Variants in ITGAD observed in about 807,000 individuals in gnomAD.
The protein encoded by ITGAD is integrin subunit alpha D.
In ITGAD, 105 loss-of-function variants were observed where a neutral mutation model predicts 139.0. The ratio of observed to expected loss-of-function variants is 0.76; its 90% CI spans 0.65 to 0.89. The LOEUF (loss-of-function observed/expected upper bound fraction) is 0.89. Ranked by LOEUF, ITGAD falls within the 40% of genes least tolerant of loss-of-function variation. The probability of loss-of-function intolerance (pLI) is 0.00; values close to 1 mark genes in which losing one functional copy is unlikely to be tolerated. For synonymous variants in ITGAD, 569 were observed against 598.3 expected (o/e 0.95, Z 0.71); for missense variants, 1,384 against 1,487.3 (o/e 0.93, Z 1.14).
At chr16:31,411,005 G>A in intron 12 of ITGAD, 71 bp from the exon 13 acceptor site, 1 of 1,602,752 alleles carries the variant, frequency 6.2e-7, no homozygotes, top group South Asian at 1.1e-5. Flanking sequence ...TACCTGGGGA[G>A]AGGCGGGACC....
intron 16 of ITGAD, 88 bp from the exon 17 acceptor site, chr16:31,414,363 C>A: frequency 6.9e-7 from 1 of 1,440,016 alleles, no homozygotes. Flanking sequence ...CAGTGTCCAG[C>A]AAACATGTAT....
Position 31,414,889 on chromosome 16 carries a change from C to G in ITGAD, c.2181C>G (p.Ile727Met). 3 of 1,614,102 alleles carry G rather than the reference C, an allele frequency of 1.9e-6. No homozygotes were observed. The highest frequency in any genetic ancestry group is 2.2e-5 in the East Asian group (1 of 44,884). The change falls in exon 18 of 30, where the codon ATC (isoleucine) becomes ATG (methionine). Residue 727 changes from isoleucine (I) to methionine (M), a missense_variant. Transcript: ENST00000389202. ...PDCVEDVVSP[I>M]ILHLNFSLVR... ...GTGTGGAGGATGTGGTGAGCCCCAT[C>G]ATTCTGCACCTCAACTTCTCACTGG...
intron 14 of ITGAD, 80 bp downstream of exon 14, chr16:31,411,597 T>C: frequency 7.5e-7 from 1 of 1,339,270 alleles, no homozygotes; most frequent in Non-Finnish European, 1.1e-6. Flanking sequence ...CCTGTCTCTG[T>C]CACCATTCCC....
rs1346203852 is a variant in ITGAD at position 31,403,029 on chromosome 16, T to C, written c.559-471T>C. Among the ~76,000 whole-genome samples the C allele has an allele frequency of 6.6e-6, 1 of 152,234 alleles. No homozygotes were observed. Among genetic ancestry groups the C allele is most frequent in the Non-Finnish European group, 1.5e-5 (1 of 68,038 alleles). On this transcript the variant is annotated intron_variant, in intron 6 of 29. Transcript: ENST00000389202. The surrounding 1 kb of genome is among the most constrained non-coding windows in gnomAD (Gnocchi z 4.4). ...TTTTTAATAAACTGTGAAGGAAATA[T>C]CATTTGGTTTAGATTTTCCAGTTTA...
chr16:31,402,111 A>C lies in ITGAD; in HGVS notation c.428-4A>C, dbSNP rs1361404866. The C allele has an allele frequency of 6.8e-6, 11 of 1,613,394 alleles. No individual in the cohort carries two copies. Among genetic ancestry groups the C allele is most frequent in the Non-Finnish European group, 9.3e-6 (11 of 1,179,478 alleles). ...ATCTCCGATTCCTCCCCATTCCCCC[A>C]CAGAGTGTCCACATCAAGAGATGGA... On this transcript the variant is annotated splice_region_variant and splice_polypyrimidine_tract_variant and intron_variant, in intron 5 of 29. Coordinates refer to ENST00000389202, the MANE Select transcript of ITGAD (RefSeq NM_005353.3).
At chr16:31,393,513 A>T in intron 1 of ITGAD, 122 bp downstream of exon 1, 1 of 1,044,138 alleles carries the variant, frequency 9.6e-7, no homozygotes, top group African/African-American at 1.6e-5. Context: ...GAGGCAGGGG[A>T]GTGCTTCATG....
intron 10 of ITGAD, among the ~76,000 whole-genome samples, chr16:31,409,947 ACT>A (rs1281199297): frequency 1.4e-5 from 2 of 147,672 alleles, no homozygotes; most frequent in East Asian, 3.9e-4. Context: ...GATGAAGTTG[ACT>A]CTTCCAGGGA....
chr16:31,424,022 C>T, intron 27 of ITGAD, 64 bp downstream of exon 27: 1 of 1,606,160 alleles, frequency 6.2e-7, no homozygotes, highest in Non-Finnish European at 8.5e-7. Context: ...TGTCTGTGCC[C>T]ATCTGCAAGC....
intron 18 of ITGAD, 34 bp downstream of exon 18, chr16:31,415,025 G>A (rs1390407703): frequency 3.7e-6 from 6 of 1,611,856 alleles, no homozygotes; most frequent in Non-Finnish European, 5.1e-6. Context: ...GGGATGTGCT[G>A]ACTTCATTTT....
chr16:31,424,596 T>TA lies in ITGAD; in HGVS notation c.3372+19_3372+20insA. 3 of 1,290,340 alleles carry TA rather than the reference T, an allele frequency of 2.3e-6. No individual in the cohort carries two copies. The highest frequency in any genetic ancestry group is 3.3e-6 in the Non-Finnish European group (3 of 922,934). 79.9% of individuals were successfully genotyped at this position (1,290,340 alleles called of 1,614,324 possible). A position where few individuals can be genotyped will look rare whatever the true frequency, so the allele number is the denominator to read the frequency against. ...GTACAAGGCAAGTGTTTTATCCAAC[T>TA]CTTTTTTTTTTTTTTTTGAGATGGA... On this transcript the variant is annotated intron_variant, in intron 29 of 29. Coordinates refer to ENST00000389202, the MANE Select transcript of ITGAD (RefSeq NM_005353.3).
rs1390332188 is a variant in ITGAD at position 31,423,577 on chromosome 16, C to T, written c.2974C>T (p.Pro992Ser). ...VVMEAPSQSL[P>S]CVSERKPPQH... ...TGCTTCTTTCTCTTCCCAGAGTCTC[C>T]CCTGTGTTTCAGAGAGAAAACCTCC... Residue 992 changes from proline (P) to serine (S), a missense_variant, in exon 26 of 30, where the codon CCC (proline) becomes TCC (serine). Pro to Ser is a moderately conservative substitution (Grantham distance 74). Transcript: ENST00000389202. 6.2e-7 allele frequency: 1 copy of T among 1,613,928 alleles called. No homozygotes were observed. The highest frequency in any genetic ancestry group is 2.2e-5 in the East Asian group (1 of 44,894).
Position 31,397,462 on chromosome 16 carries a change from A to G in ITGAD, c.241A>G (p.Ile81Val), listed in dbSNP as rs894231647. The part of the protein sequence containing the change: ...TGMCQPIPLH[I>V]RPEAVNMSLG... ...CATGTGCCAGCCCATCCCGCTGCAC[A>G]GTGAGTGACCACCTGGGAATTGGGC... The change falls in exon 3 of 30, where the codon ATC becomes GTC. Residue 81 changes from isoleucine to valine, a missense_variant and splice_region_variant. Physicochemically the swap from Ile to Val is conservative, Grantham distance 29. Transcript: ENST00000389202. 3 of 1,591,908 alleles carry G rather than the reference A, an allele frequency of 1.9e-6. No homozygotes were observed. Among genetic ancestry groups the G allele is most frequent in the Non-Finnish European group, 2.6e-6 (3 of 1,168,644 alleles).
rs1478012667 is a variant in ITGAD, at chr16:31,410,473, A to G, written c.1162A>G (p.Thr388Ala). 4 of 1,613,502 alleles carry G rather than the reference A, an allele frequency of 2.5e-6. No individual in the cohort carries two copies. The highest frequency in any genetic ancestry group is 1.3e-5 in the African/African-American group (1 of 74,680). Residue 388 changes from threonine to alanine, a missense_variant, in exon 11 of 30, where the codon ACC becomes GCC. Transcript: ENST00000389202. Reference sequence around the variant, plus strand: ...CCTGTATCCCCCAAATATGAGCCCCACCTTCATCAACATGTCTCAGGAGAA... The same window carrying G: ...CCTGTATCCCCCAAATATGAGCCCCGCCTTCATCAACATGTCTCAGGAGAA... ...AFLYPPNMSP[T>A]FINMSQENVD...
chr16:31,407,937 G>A (rs1331947626), intron 9 of ITGAD, 21 bp downstream of exon 9: 22 of 1,554,982 alleles, frequency 1.4e-5, no homozygotes, highest in Middle Eastern at 1.9e-4. Context: ...GCAAGGGTGC[G>A]CCTGGGAGCC....
chr16:31,415,224 C>T (rs2081854265), intron 18 of ITGAD, among the ~76,000 whole-genome samples: 1 of 152,174 alleles, frequency 6.6e-6, no homozygotes, highest in South Asian at 2.1e-4. Context: ...CCTCGATTCT[C>T]TCCCACCTAC....
At position 31,414,557 on chromosome 16, in the gene ITGAD, A is replaced by C. The variant is rs774161399; in HGVS notation, c.2103A>C (p.Lys701Asn). The C allele has an allele frequency of 6.2e-7, 1 of 1,614,050 alleles. No individual in the cohort carries two copies. Among genetic ancestry groups the C allele is most frequent in the Non-Finnish European group, 8.5e-7 (1 of 1,180,030 alleles). ...ETKNPTLTRR[K>N]TLGLGIHCET... ...AGAACCCCACTTTGACTCGAAGAAA[A>C]ACCCTGGGACTGGGGATTCACTGTG... The change falls in exon 17 of 30, where the codon AAA (lysine) becomes AAC (asparagine). Residue 701 changes from lysine (K) to asparagine (N), a missense_variant. Lys to Asn is a moderately conservative substitution (Grantham distance 94). Coordinates refer to ENST00000389202, the MANE Select transcript of ITGAD (RefSeq NM_005353.3).
chr16:31,397,707 G>C, intron 4 of ITGAD, 41 bp downstream of exon 4: 1 of 1,475,212 alleles, frequency 6.8e-7, no homozygotes, highest in Non-Finnish European at 9.3e-7. Context: ...GGGGTGGGGC[G>C]GGGGGTGTTG....
chr16:31,421,642 T>C (rs1229949890), intron 23 of ITGAD, among the ~76,000 whole-genome samples: 1 of 152,058 alleles, frequency 6.6e-6, no homozygotes, highest in African/African-American at 2.4e-5. Context: ...AGTCCCTGTG[T>C]GCTGGGCACT....
chr16:31,394,444 G>A, intron 2 of ITGAD, 103 bp downstream of exon 2: 1 of 733,298 alleles, frequency 1.4e-6, no homozygotes, highest in Non-Finnish European at 2.3e-6. Context: ...AAGGCCAGCA[G>A]GGGTGAGAAG....
Sources: allele counts gnomAD v4.1 joint callset (sites outside exome capture counted in the v4.1 genomes callset), GRCh38; gene constraint gnomAD v4.1.1; non-coding constraint Gnocchi (gnomAD v3.1); transcripts MANE v1.5; gene names NCBI Gene and HGNC (gene_info 2026-07-23, HGNC 2026-07-21).